Variants in KIAA1217 observed in about 807,000 individuals in gnomAD.
KIAA1217 encodes the protein sickle tail protein homolog.
In KIAA1217, 88 loss-of-function variants were observed where a neutral mutation model predicts 163.9. The ratio of observed to expected loss-of-function variants is 0.54; its 90% CI spans 0.45 to 0.64. The LOEUF is 0.64. Ranked by LOEUF, KIAA1217 falls within the 30% of genes least tolerant of loss-of-function variation. The pLI is 0.00. For missense variants in KIAA1217, 2,372 were observed against 2,475.0 expected, an observed-to-expected ratio of 0.96 and a Z score of 0.88; for synonymous variants, 903 against 923.1, an observed-to-expected ratio of 0.98 and a Z score of 0.39.
intron 1 of KIAA1217, among the ~76,000 whole-genome samples, chr10:23,942,562 C>T (rs1339518112): frequency 6.6e-6 from 1 of 152,060 alleles, no homozygotes; most frequent in African/African-American, 2.4e-5. Context: ...AGTAGCCCCC[C>T]AAATCTCTAA....
rs142115974 is a variant in KIAA1217, at chr10:24,444,859, C to T, written c.846+6380C>T. 1.8e-4 allele frequency among the ~76,000 whole-genome samples: 28 copies of T among 152,198 alleles called. No homozygotes were observed. In the East Asian group the frequency reaches 4.6e-3, roughly 25 times the overall value. On this transcript the variant is annotated intron_variant, in intron 5 of 20. Transcript: ENST00000376454. Reference sequence around the variant, plus strand: ...ACAGCAAGGGTACAGGCATTTGTGGCGTGTGTTTTGTGTGTTGGCTTCATT... The same window carrying T: ...ACAGCAAGGGTACAGGCATTTGTGGTGTGTGTTTTGTGTGTTGGCTTCATT...
intron 2 of KIAA1217, among the ~76,000 whole-genome samples, chr10:24,347,017 G>A (rs1164072435): frequency 6.6e-6 from 1 of 152,170 alleles, no homozygotes; most frequent in Non-Finnish European, 1.5e-5. Context: ...CTTAGTGAGT[G>A]TTAAGGTATA....
chr10:23,707,413 C>G (rs896442911), intron 1 of KIAA1217, among the ~76,000 whole-genome samples: 1 of 152,152 alleles, frequency 6.6e-6, no homozygotes, highest in Non-Finnish European at 1.5e-5. Flanking sequence ...ATGTCATTAT[C>G]CTCAGAGCAG....
At chr10:24,285,623 A>G (rs1471318821) in intron 2 of KIAA1217, among the ~76,000 whole-genome samples, 1 of 152,182 alleles carries the variant, frequency 6.6e-6, no homozygotes, top group Non-Finnish European at 1.5e-5. Context: ...GCCTTGTAGT[A>G]TAGTTTGAAG....
chr10:24,472,440 A>G (rs944903246), intron 5 of KIAA1217, among the ~76,000 whole-genome samples: 1 of 152,136 alleles, frequency 6.6e-6, no homozygotes, highest in Non-Finnish European at 1.5e-5. Flanking sequence ...ATCTCCCTAG[A>G]TTGTATCCAC....
chr10:24,315,639 G>A (rs886196715), intron 2 of KIAA1217, among the ~76,000 whole-genome samples: 2 of 152,002 alleles, frequency 1.3e-5, no homozygotes, highest in Non-Finnish European at 2.9e-5. Context: ...CCAGCACTTT[G>A]GGAGGCTGAG....
intron 2 of KIAA1217, among the ~76,000 whole-genome samples, chr10:24,120,268 A>T (rs901028775): frequency 2.0e-5 from 3 of 152,214 alleles, no homozygotes; most frequent in Admixed American, 6.5e-5. Context: ...ACTGTGAACA[A>T]TGGGAATCAG....
At chr10:23,765,527 G>A (rs1224069434) in intron 1 of KIAA1217, among the ~76,000 whole-genome samples, 4 of 152,058 alleles carry the variant, frequency 2.6e-5, no homozygotes, top group Non-Finnish European at 5.9e-5. Context: ...CATTGACATG[G>A]TTTGGCTCTG....
At chr10:23,871,006 T>C (rs1237573633) in intron 1 of KIAA1217, among the ~76,000 whole-genome samples, 1 of 151,826 alleles carries the variant, frequency 6.6e-6, no homozygotes, top group African/African-American at 2.4e-5. Flanking sequence ...TGTTTTTTTT[T>C]CTTTTTCTTT....
chr10:23,904,743 A>G (rs1842083139), intron 1 of KIAA1217, among the ~76,000 whole-genome samples: 1 of 152,144 alleles, frequency 6.6e-6, no homozygotes, highest in African/African-American at 2.4e-5. Flanking sequence ...CCCAGAAGGA[A>G]ATGAGAAAAT....
chr10:24,545,106 A>G lies in KIAA1217; in HGVS notation c.5334+3A>G. Reference sequence around the variant, plus strand: ...AGGATCCCCGCCAATATCGTCAGGTAGTTTTACCTTAAACCCACTTTTGGA... The same window carrying G: ...AGGATCCCCGCCAATATCGTCAGGTGGTTTTACCTTAAACCCACTTTTGGA... On this transcript the variant is annotated splice_donor_region_variant and intron_variant, in intron 20 of 20. Transcript: ENST00000376454. The G allele has an allele frequency of 1.2e-6, 2 of 1,614,182 alleles. No individual in the cohort carries two copies. Among genetic ancestry groups the G allele is most frequent in the Non-Finnish European group, 1.7e-6 (2 of 1,180,014 alleles).
intron 20 of KIAA1217, 126 bp downstream of exon 20, chr10:24,545,229 G>C: frequency 6.8e-7 from 1 of 1,464,136 alleles, no homozygotes; most frequent in Non-Finnish European, 9.1e-7. Flanking sequence ...CCTGGATCTG[G>C]GGGCATGAAG....
At chr10:24,439,083 A>T (rs1404769142) in intron 5 of KIAA1217, among the ~76,000 whole-genome samples, 1 of 152,190 alleles carries the variant, frequency 6.6e-6, no homozygotes, top group Non-Finnish European at 1.5e-5. Context: ...GTCTCAGGAG[A>T]TTATCCAAAC....
chr10:24,083,730 A>T (rs74924234), intron 2 of KIAA1217, among the ~76,000 whole-genome samples: 6,684 of 152,314 alleles, frequency 0.044, 217 homozygotes, highest in Non-Finnish European at 0.068. Context: ...AAATAAAATT[A>T]TAAAATTACT....
intron 6 of KIAA1217, among the ~76,000 whole-genome samples, chr10:24,478,585 T>C (rs1454265935): frequency 6.6e-6 from 1 of 152,158 alleles, no homozygotes; most frequent in Non-Finnish European, 1.5e-5. Flanking sequence ...TCTTGAGTGA[T>C]GAAGTGGTTT....
At chr10:24,309,962 GTCTT>G (rs1402198464) in intron 2 of KIAA1217, among the ~76,000 whole-genome samples, 1 of 152,090 alleles carries the variant, frequency 6.6e-6, no homozygotes, top group Non-Finnish European at 1.5e-5. Context: ...TGAATAACTG[GTCTT>G]TCTTTTTAAA....
chr10:23,986,580 G>C (rs1845981196), intron 1 of KIAA1217, among the ~76,000 whole-genome samples: 1 of 152,022 alleles, frequency 6.6e-6, no homozygotes, highest in Non-Finnish European at 1.5e-5. Context: ...GCTATTTTTT[G>C]TTGTTTTTTT....
chr10:23,917,051 T>A (rs1303790418), intron 1 of KIAA1217, among the ~76,000 whole-genome samples: 3 of 152,128 alleles, frequency 2.0e-5, no homozygotes, highest in Admixed American at 6.6e-5. Flanking sequence ...CCCTCCTTTT[T>A]TCTTCTTATA....
rs74798307 is a variant in KIAA1217, at chr10:24,507,828, G to C, written c.2002-5431G>C. The stretch of plus-strand genomic sequence containing the variant: ...ATGGTAGTCAAATTGCTAAAAACCA[G>C]AGATAAATGGAAAAATCTTCAAAGC... On this transcript the variant is annotated intron_variant, in intron 9 of 20. Transcript: ENST00000376454. 1.2e-4 allele frequency among the ~76,000 whole-genome samples: 19 copies of C among 152,218 alleles called. No individual in the cohort carries two copies. The East Asian group carries it at 3.7e-3, about 29-fold the overall frequency.
Sources: gnomAD v4.1 joint callset for allele counts (sites outside exome capture counted in the v4.1 genomes callset) on GRCh38, gnomAD v4.1.1 for gene constraint, MANE v1.5 for transcripts, NCBI Gene and HGNC (gene_info 2026-07-23, HGNC 2026-07-21) for gene names.